Variants in TMED8 observed in about 807,000 individuals in gnomAD.
TMED8 encodes the protein protein TMED8.
TMED8 carries 15 observed loss-of-function variants against 32.7 expected under a neutral mutation model. The observed-to-expected ratio is 0.46, with a 90% confidence interval of 0.31 to 0.71. The LOEUF is 0.71. Ranked by LOEUF, TMED8 falls within the 30% of genes least tolerant of loss-of-function variation. TMED8 has a pLI of 0.06. For missense variants in TMED8, 390 were observed against 423.9 expected (o/e 0.92, Z 0.70); for synonymous variants, 147 against 161.4 (o/e 0.91, Z 0.68).
chr14:77,374,174 T>A (rs1484781722), intron 1 of TMED8, among the ~76,000 whole-genome samples: 1 of 152,242 alleles, frequency 6.6e-6, no homozygotes, highest in Admixed American at 6.5e-5. Context: ...TAAATTTCAT[T>A]CTTTCTTAGA....
At chr14:77,347,874 C>T (rs910013166) in intron 2 of TMED8, among the ~76,000 whole-genome samples, 2 of 152,168 alleles carry the variant, frequency 1.3e-5, no homozygotes, top group African/African-American at 2.4e-5. Flanking sequence ...TGGCAGTTAT[C>T]CAAGTATGGT....
intron 1 of TMED8, among the ~76,000 whole-genome samples, chr14:77,371,012 T>C (rs536747101): frequency 6.6e-6 from 1 of 152,314 alleles, no homozygotes; most frequent in East Asian, 1.9e-4. Context: ...TTCTTTCCAC[T>C]TATATCTCAA....
At chr14:77,362,308 T>G (rs1372365006) in intron 1 of TMED8, among the ~76,000 whole-genome samples, 1 of 152,146 alleles carries the variant, frequency 6.6e-6, no homozygotes, top group Admixed American at 6.5e-5. Context: ...AAGTTTTCAT[T>G]TTTCCACACT....
chr14:77,368,110 T>C (rs1040593618), intron 1 of TMED8, among the ~76,000 whole-genome samples: 9 of 152,268 alleles, frequency 5.9e-5, no homozygotes, highest in African/African-American at 2.2e-4. Flanking sequence ...AATGCTGCTA[T>C]GAATATTCTT....
At chr14:77,361,581 T>C (rs183253616) in intron 1 of TMED8, among the ~76,000 whole-genome samples, 3 of 152,300 alleles carry the variant, frequency 2.0e-5, no homozygotes, top group Admixed American at 2.0e-4. Flanking sequence ...TTTAGAATTG[T>C]TTTTTCTACT....
At position 77,342,083 on chromosome 14, in the gene TMED8, G is replaced by A. The variant is rs192442172; in HGVS notation, c.761-95C>T. The A allele has an allele frequency of 1.3e-3, 1,315 of 1,037,968 alleles. 5 individuals are homozygous for A. Among genetic ancestry groups the A allele is most frequent in the Non-Finnish European group, 8.3e-4 (586 of 703,804 alleles). The allele number at this position is 1,037,968 out of a possible 1,614,324, so 64.3% of individuals were successfully genotyped here. A position where few individuals can be genotyped will look rare whatever the true frequency, so the allele number is the denominator to read the frequency against. On this transcript the variant is annotated intron_variant, in intron 5 of 5. Coordinates refer to ENST00000216468, the MANE Select transcript of TMED8 (RefSeq NM_213601.3). ...GGTGACCCAGTGGCTTTCACAGAGC[G>A]GGGAGATTATTGCCCTCCTACAGAC...
rs1271371699 is a variant in TMED8 at position 77,377,079 on chromosome 14, G to C, written c.-26C>G. 1 of 1,315,792 alleles carries C rather than the reference G, an allele frequency of 7.6e-7. No individual in the cohort carries two copies. The highest frequency in any genetic ancestry group is 9.8e-7 in the Non-Finnish European group (1 of 1,023,192). 81.5% of individuals were successfully genotyped at this position (1,315,792 alleles called of 1,614,324 possible). A position where few individuals can be genotyped will look rare whatever the true frequency, so the allele number is the denominator to read the frequency against. ...CTGCAGCCCGCGCACGGAGCTCTCCGCTGCCAGCCGCGAGTGGCTCCGGAA... is the reference window on the plus strand; with the variant it reads ...CTGCAGCCCGCGCACGGAGCTCTCCCCTGCCAGCCGCGAGTGGCTCCGGAA... On this transcript the variant is annotated 5_prime_UTR_variant, in exon 1 of 6. Transcript: ENST00000216468.
rs965012335 is a variant in TMED8 at position 77,335,885 on chromosome 14, T to C, written c.*5886A>G. The C allele has an allele frequency of 2.0e-5, 3 of 152,332 alleles. No homozygotes were observed. The South Asian group carries it at 6.2e-4, about 32-fold the overall frequency. 9.4% of individuals were successfully genotyped at this position (152,332 alleles called of 1,614,324 possible). On this transcript the variant is annotated 3_prime_UTR_variant, in exon 6 of 6. Transcript: ENST00000216468. ...GGAGACATGAGTGGAGTTTTTCATA[T>C]GGAATTTCTTAGTAAAATGTACTGT...
intron 1 of TMED8, among the ~76,000 whole-genome samples, chr14:77,375,454 C>T (rs1393488645): frequency 8.5e-5 from 13 of 152,160 alleles, no homozygotes; most frequent in Non-Finnish European, 1.9e-4. Flanking sequence ...ATGCAAGGGA[C>T]AAGTGTTATA....
chr14:77,366,048 A>T (rs1893546243), intron 1 of TMED8, among the ~76,000 whole-genome samples: 1 of 152,204 alleles, frequency 6.6e-6, no homozygotes, highest in South Asian at 2.1e-4. Flanking sequence ...TTTACATTCA[A>T]ATGACATATT....
At chr14:77,350,141 T>G (rs903328553) in intron 2 of TMED8, among the ~76,000 whole-genome samples, 1 of 152,170 alleles carries the variant, frequency 6.6e-6, no homozygotes, top group South Asian at 2.1e-4. Flanking sequence ...TCTTTATATT[T>G]TCACTGAAGG....
intron 5 of TMED8, 23 bp downstream of exon 5, chr14:77,343,155 A>C: frequency 6.2e-7 from 1 of 1,604,906 alleles, no homozygotes; most frequent in African/African-American, 1.3e-5. Flanking sequence ...GAAAACTGCA[A>C]ATTAGGTTAA....
intron 2 of TMED8, among the ~76,000 whole-genome samples, chr14:77,349,759 A>G (rs937727056): frequency 6.6e-6 from 1 of 152,070 alleles, no homozygotes; most frequent in East Asian, 1.9e-4. Flanking sequence ...CATGATATGG[A>G]GCATATTTTG....
chr14:77,352,807 A>C (rs902202890), intron 1 of TMED8, among the ~76,000 whole-genome samples: 2 of 152,222 alleles, frequency 1.3e-5, no homozygotes, highest in African/African-American at 4.8e-5. Flanking sequence ...ATTAGGCAGA[A>C]CATAGAGGGC....
At chr14:77,357,952 C>T (rs1005621755) in intron 1 of TMED8, among the ~76,000 whole-genome samples, 1 of 151,604 alleles carries the variant, frequency 6.6e-6, no homozygotes, top group African/African-American at 2.4e-5. Flanking sequence ...GGTGAAACCC[C>T]ATCTCTACTG....
At position 77,335,062 on chromosome 14, in the gene TMED8, G is replaced by C. The variant is rs996693783; in HGVS notation, c.*6709C>G. 6.6e-6 allele frequency: 1 copy of C among 152,120 alleles called. No homozygotes were observed. Among genetic ancestry groups the C allele is most frequent in the East Asian group, 1.9e-4 (1 of 5,202 alleles). 9.4% of individuals were successfully genotyped at this position (152,120 alleles called of 1,614,324 possible). On this transcript the variant is annotated 3_prime_UTR_variant, in exon 6 of 6. Coordinates refer to ENST00000216468, the MANE Select transcript of TMED8 (RefSeq NM_213601.3). ...GAAAAAGTTTATTTATGACAGATTC[G>C]AAAACTCAGAAGAGATGACAAAGAA...
intron 1 of TMED8, among the ~76,000 whole-genome samples, chr14:77,365,515 A>G (rs1247118837): frequency 6.6e-6 from 1 of 152,220 alleles, no homozygotes; most frequent in East Asian, 1.9e-4. Context: ...CAAGTGGAAA[A>G]GGGCACTGCA....
intron 1 of TMED8, among the ~76,000 whole-genome samples, chr14:77,357,218 A>G (rs922824864): frequency 2.0e-5 from 3 of 152,190 alleles, no homozygotes; most frequent in African/African-American, 7.2e-5. Flanking sequence ...TCCAGAAGTA[A>G]CATATGTAAT....
intron 3 of TMED8, among the ~76,000 whole-genome samples, chr14:77,344,155 CT>C (rs1264990300): frequency 6.6e-6 from 1 of 152,240 alleles, no homozygotes; most frequent in East Asian, 1.9e-4. Flanking sequence ...TGGGCCATGC[CT>C]TGGTCTTACC....
Sources: gnomAD v4.1 joint callset for allele counts (sites outside exome capture counted in the v4.1 genomes callset) on GRCh38, gnomAD v4.1.1 for gene constraint, MANE v1.5 for transcripts, NCBI Gene and HGNC (gene_info 2026-07-23, HGNC 2026-07-21) for gene names.